Variants in MEG3 observed in about 807,000 individuals in gnomAD.
MEG3 encodes the protein Very putative protein from MEG3 locus.
At chr14:100,843,198 C>G (rs1200215250) in intron 2 of MEG3, among the ~76,000 whole-genome samples, 2 of 152,186 alleles carry the variant, frequency 1.3e-5, no homozygotes, top group African/African-American at 4.8e-5. Context: ...CCCAGATGCT[C>G]CTTCCTGCTT....
chr14:100,832,737 A>C (rs1298358519), downstream of MEG3: 1 of 152,600 alleles, frequency 6.6e-6, no homozygotes, highest in Non-Finnish European at 1.5e-5. Context: ...TTCTCATTTA[A>C]GTCTTTGCCT....
chr14:100,827,068 G>T (rs753082417), intron 1 of MEG3, among the ~76,000 whole-genome samples: 1 of 152,072 alleles, frequency 6.6e-6, no homozygotes, highest in Non-Finnish European at 1.5e-5. Flanking sequence ...GGGTCTGGAC[G>T]CTGGGAGCTG....
exon 1 of MEG3, chr14:100,835,183 C>G (rs554581883): frequency 1.2e-5 from 3 of 251,954 alleles, no homozygotes; most frequent in Non-Finnish European, 2.4e-5. Flanking sequence ...CTGCCTTCCC[C>G]GCCCCATTCC....
chr14:100,840,476 C>T (rs1013699344), intron 2 of MEG3, among the ~76,000 whole-genome samples: 3 of 149,270 alleles, frequency 2.0e-5, no homozygotes, highest in Non-Finnish European at 3.0e-5. Flanking sequence ...TCTGTGAATG[C>T]GCCCTTTCAA....
rs2037604939 is a variant in MEG3 at position 100,837,016 on chromosome 14, C to A, written n.3045+716C>A. On this transcript the variant is annotated intron_variant and non_coding_transcript_variant, in intron 2 of 3. Transcript: ENST00000398461. This position sits in a 1 kb window ranked among gnomAD's most constrained non-coding sequence, Gnocchi z 5.8. ...TGTGTTTTACTAATTCAAGATGCAG[C>A]CGGGAGCCGTCCAGGGCTCGGGCCT... 6.6e-6 allele frequency among the ~76,000 whole-genome samples: 1 copy of A among 152,154 alleles called. No individual in the cohort carries two copies. The highest frequency in any genetic ancestry group is 1.5e-5 in the Non-Finnish European group (1 of 68,042).
In MEG3 at chr14:100,845,645, C is replaced by A. The variant is rs566361829; in HGVS notation, n.3121+112C>A. 32 of 377,312 alleles carry A rather than the reference C, an allele frequency of 8.5e-5. No individual in the cohort carries two copies. In the East Asian group the frequency reaches 2.4e-3, roughly 29 times the overall value. The allele number at this position is 377,312 out of a possible 1,614,324, so 23.4% of individuals were successfully genotyped here. On this transcript the variant is annotated intron_variant and non_coding_transcript_variant, in intron 3 of 3. Transcript: ENST00000398461. This position sits in a 1 kb window ranked among gnomAD's most constrained non-coding sequence, Gnocchi z 5.2. ...TCGTGGAGGGGCTGGCGGGCACTGGCCGGGGGTCTGTGCACCGGGAGGTGG... is the reference window on the plus strand; with the variant it reads ...TCGTGGAGGGGCTGGCGGGCACTGGACGGGGGTCTGTGCACCGGGAGGTGG...
chr14:100,842,038 C>T (rs1416188974), intron 2 of MEG3, among the ~76,000 whole-genome samples: 1 of 152,200 alleles, frequency 6.6e-6, no homozygotes, highest in Non-Finnish European at 1.5e-5. Context: ...CTCAGCTTTG[C>T]CAACATTCCC....
downstream of MEG3, chr14:100,833,374 C>T (rs1316428750): frequency 1.3e-5 from 2 of 152,268 alleles, no homozygotes; most frequent in Non-Finnish European, 2.9e-5. Context: ...ATTCTCCCAC[C>T]TCAGCCTCCT....
At chr14:100,838,652 ATT>A (rs1249616092) in intron 2 of MEG3, among the ~76,000 whole-genome samples, 1 of 152,048 alleles carries the variant, frequency 6.6e-6, no homozygotes, top group Non-Finnish European at 1.5e-5. Flanking sequence ...GTCTCTGGCC[ATT>A]TGTCATCGTG....
intron 2 of MEG3, among the ~76,000 whole-genome samples, chr14:100,840,890 T>C (rs2037735864): frequency 6.6e-6 from 1 of 152,216 alleles, no homozygotes; most frequent in African/African-American, 2.4e-5. Flanking sequence ...TGCGCCGGCC[T>C]CCGCGCTCAC....
chr14:100,839,510 C>G (rs1271031510), intron 2 of MEG3, among the ~76,000 whole-genome samples: 2 of 152,188 alleles, frequency 1.3e-5, no homozygotes, highest in African/African-American at 2.4e-5. Flanking sequence ...AAGGATGAAT[C>G]TGGGGTAGGA....
chr14:100,835,021 G>A (rs1156637635), exon 1 of MEG3: 1 of 356,216 alleles, frequency 2.8e-6, no homozygotes, highest in African/African-American at 2.1e-5. Flanking sequence ...ATCCCTTGAT[G>A]GCCTCTGTGT....
At position 100,837,242 on chromosome 14, in the gene MEG3, G is replaced by A. The variant is rs2037611967; in HGVS notation, n.3045+942G>A. On this transcript the variant is annotated intron_variant and non_coding_transcript_variant, in intron 2 of 3. Transcript: ENST00000398461. This position sits in a 1 kb window ranked among gnomAD's most constrained non-coding sequence, Gnocchi z 5.8. ...TGGCAGGAAGAGAGGAGGCTCAGCT[G>A]AGGCCACTTTCCTTTCTGGGGGTCC... is the stretch of plus-strand genomic sequence containing the variant. Among the ~76,000 whole-genome samples the A allele has an allele frequency of 6.6e-6, 1 of 152,220 alleles. No individual in the cohort carries two copies. Among genetic ancestry groups the A allele is most frequent in the Admixed American group, 6.5e-5 (1 of 15,288 alleles).
At chr14:100,850,445 A>G (rs2038034671) in intron 3 of MEG3, 1 of 152,208 alleles carries the variant, frequency 6.6e-6, no homozygotes, top group Admixed American at 6.5e-5. Context: ...CTAAAAAAAT[A>G]CAAAAATTAT....
intron 1 of MEG3, among the ~76,000 whole-genome samples, chr14:100,828,444 C>T (rs1264101885): frequency 2.1e-5 from 3 of 145,782 alleles, no homozygotes; most frequent in African/African-American, 7.7e-5. Context: ...CTTTCCTCTT[C>T]CCTCCTCCCT....
intron 2 of MEG3, among the ~76,000 whole-genome samples, chr14:100,841,060 C>T (rs966697636): frequency 1.3e-5 from 2 of 152,132 alleles, no homozygotes; most frequent in African/African-American, 2.4e-5. Context: ...CATGGTGGCC[C>T]GCAGGGATGG....
intron 2 of MEG3, among the ~76,000 whole-genome samples, chr14:100,841,625 T>C (rs2037762663): frequency 6.6e-6 from 1 of 151,610 alleles, no homozygotes; most frequent in East Asian, 1.9e-4. Flanking sequence ...AGCTCCTGTG[T>C]GACCTGTGTG....
At chr14:100,826,911 C>G (rs964281859) in intron 1 of MEG3, among the ~76,000 whole-genome samples, 1 of 151,884 alleles carries the variant, frequency 6.6e-6, no homozygotes, top group African/African-American at 2.4e-5. Flanking sequence ...CAGTAGCCCC[C>G]TAGGATCAGT....
At chr14:100,858,019 C>G (rs1166554270) in exon 1 of MEG3, 2 of 152,318 alleles carry the variant, frequency 1.3e-5, no homozygotes, top group Admixed American at 1.3e-4. Context: ...TACACACTTT[C>G]CCTTCTCTAA....
Sources: allele counts gnomAD v4.1 joint callset (sites outside exome capture counted in the v4.1 genomes callset), GRCh38; gene constraint gnomAD v4.1.1; non-coding constraint Gnocchi (gnomAD v3.1); transcripts MANE v1.5; gene names NCBI Gene and HGNC (gene_info 2026-07-23, HGNC 2026-07-21).